Variants in IGSF21 observed in about 807,000 individuals in gnomAD.
IGSF21 encodes the protein immunoglobulin superfamily member 21.
A neutral mutation model predicts 46.8 loss-of-function variants in IGSF21; 28 were observed. The ratio of observed to expected loss-of-function variants is 0.60; its 90% CI spans 0.44 to 0.82. The LOEUF (loss-of-function observed/expected upper bound fraction) is 0.82. Among genes scored for constraint, IGSF21 ranks in the 40% least tolerant of loss-of-function variants. IGSF21 has a pLI of 0.00. For missense variants in IGSF21, 624 were observed against 665.5 expected, an observed-to-expected ratio of 0.94 and a Z score of 0.69; for synonymous variants, 284 against 273.6, an observed-to-expected ratio of 1.04 and a Z score of -0.38.
intron 3 of IGSF21, among the ~76,000 whole-genome samples, chr1:18,333,300 G>A (rs78698876): frequency 0.023 from 3,457 of 152,260 alleles, 74 homozygotes; most frequent in African/African-American, 0.057. Flanking sequence ...GCTGGAACTC[G>A]CATGAAGACA....
intron 2 of IGSF21, among the ~76,000 whole-genome samples, chr1:18,246,730 G>A (rs1374680021): frequency 6.6e-6 from 1 of 152,150 alleles, no homozygotes; most frequent in Non-Finnish European, 1.5e-5. Flanking sequence ...CACCCTGGCG[G>A]CACCAAAGAG....
intron 1 of IGSF21, among the ~76,000 whole-genome samples, chr1:18,163,253 A>C (rs770096158): frequency 2.0e-5 from 3 of 151,988 alleles, no homozygotes; most frequent in Non-Finnish European, 4.4e-5. Context: ...AAAAAAAGGC[A>C]ATGTGGCAGG....
At chr1:18,352,195 C>G (rs958704582) in intron 4 of IGSF21, among the ~76,000 whole-genome samples, 2 of 152,172 alleles carry the variant, frequency 1.3e-5, no homozygotes, top group Non-Finnish European at 2.9e-5. Context: ...TTCCCCCAAG[C>G]CTTTCGTTTT....
At chr1:18,375,581 G>A (rs1049438101) in intron 6 of IGSF21, among the ~76,000 whole-genome samples, 13 of 152,202 alleles carry the variant, frequency 8.5e-5, no homozygotes, top group Admixed American at 7.2e-4. Flanking sequence ...ATACAAGAAA[G>A]TGAGGAAGAG....
chr1:18,117,441 A>T (rs1413364846), intron 1 of IGSF21, among the ~76,000 whole-genome samples: 1 of 152,198 alleles, frequency 6.6e-6, no homozygotes, highest in Non-Finnish European at 1.5e-5. Flanking sequence ...CAGCTTTCAG[A>T]TTCCACCTCC....
chr1:18,114,000 C>T (rs2086165257), intron 1 of IGSF21: 1 of 152,184 alleles, frequency 6.6e-6, no homozygotes, highest in African/African-American at 2.4e-5. Context: ...GCTTGAGAGT[C>T]TAGTGTCAAT....
intron 1 of IGSF21, among the ~76,000 whole-genome samples, chr1:18,147,847 A>G (rs1395227075): frequency 6.6e-6 from 1 of 152,132 alleles, no homozygotes; most frequent in African/African-American, 2.4e-5. Flanking sequence ...TGTAGCTCCC[A>G]TAATTCCCAT....
intron 1 of IGSF21, among the ~76,000 whole-genome samples, chr1:18,208,397 T>TATATATATAGATATATATATATATA (rs368652183): frequency 1.1e-5 from 1 of 92,586 alleles, no homozygotes; most frequent in Non-Finnish European, 2.3e-5. Flanking sequence ...ATATATATAT[T>TATATATATAGATATATATATATATA]TTTTGAGACG....
At chr1:18,218,701 A>G (rs999832422) in intron 1 of IGSF21, among the ~76,000 whole-genome samples, 2 of 152,200 alleles carry the variant, frequency 1.3e-5, no homozygotes, top group Non-Finnish European at 2.9e-5. Context: ...CACACACACA[A>G]AAAACCCATG....
intron 3 of IGSF21, among the ~76,000 whole-genome samples, chr1:18,314,242 C>T (rs562190771): frequency 6.6e-6 from 1 of 151,948 alleles, no homozygotes; most frequent in Non-Finnish European, 1.5e-5. Flanking sequence ...CCTTGATAAA[C>T]CTATTCTCCT....
chr1:18,198,133 T>C (rs1226952415), intron 1 of IGSF21, among the ~76,000 whole-genome samples: 1 of 152,254 alleles, frequency 6.6e-6, no homozygotes, highest in African/African-American at 2.4e-5. Context: ...TGCAATCCTT[T>C]GAAAATTTAT....
chr1:18,291,174 G>A (rs112896254), intron 2 of IGSF21, among the ~76,000 whole-genome samples: 8 of 152,292 alleles, frequency 5.3e-5, no homozygotes, highest in East Asian at 1.9e-4. Context: ...CATGAACAGC[G>A]GGACAGCCCG....
intron 2 of IGSF21, among the ~76,000 whole-genome samples, chr1:18,263,636 G>T (rs1356411995): frequency 6.6e-6 from 1 of 152,146 alleles, no homozygotes; most frequent in Non-Finnish European, 1.5e-5. Flanking sequence ...GGTTTAGGGA[G>T]AACCCAGAGC....
chr1:18,232,434 T>C (rs2084637511), intron 2 of IGSF21, among the ~76,000 whole-genome samples: 1 of 152,238 alleles, frequency 6.6e-6, no homozygotes, highest in African/African-American at 2.4e-5. Flanking sequence ...GAGCCTTTAC[T>C]ATGTGTGAGC....
chr1:18,155,758 G>C (rs2086562745), intron 1 of IGSF21, among the ~76,000 whole-genome samples: 1 of 152,224 alleles, frequency 6.6e-6, no homozygotes, highest in Non-Finnish European at 1.5e-5. Flanking sequence ...AGGGCTGGAA[G>C]AGGGCAAGCC....
At chr1:18,278,531 TTTTGTTTGTTTGTTTG>T (rs201958803) in intron 2 of IGSF21, among the ~76,000 whole-genome samples, 7 of 140,912 alleles carry the variant, frequency 5.0e-5, no homozygotes, top group South Asian at 2.3e-4. Flanking sequence ...GTAAGGTTTT[TTTTGTTTGTTTGTTTG>T]TTTGTTTGTT....
chr1:18,229,117 T>A (rs561001066), intron 2 of IGSF21, among the ~76,000 whole-genome samples: 1 of 151,576 alleles, frequency 6.6e-6, no homozygotes, highest in East Asian at 1.9e-4. Flanking sequence ...AAATCCCTGA[T>A]CAGAAACCAC....
intron 1 of IGSF21, among the ~76,000 whole-genome samples, chr1:18,108,569 TAG>T (rs766456668): frequency 3.3e-5 from 5 of 151,184 alleles, no homozygotes; most frequent in Admixed American, 2.0e-4. Flanking sequence ...GGATGGGTGT[TAG>T]AGTGTCTGTG....
chr1:18,246,154 G>A (rs558253226), intron 2 of IGSF21, among the ~76,000 whole-genome samples: 72 of 152,272 alleles, frequency 4.7e-4, no homozygotes, highest in African/African-American at 1.6e-3. Flanking sequence ...GCTCTGGGGG[G>A]TGTGAGATGG....
Sources: gnomAD v4.1 joint callset for allele counts (sites outside exome capture counted in the v4.1 genomes callset) on GRCh38, gnomAD v4.1.1 for gene constraint, MANE v1.5 for transcripts, NCBI Gene and HGNC (gene_info 2026-07-23, HGNC 2026-07-21) for gene names.